ANKRD44: variants seen among roughly 807,000 people sequenced by gnomAD.
ANKRD44 encodes ankyrin repeat domain 44, also known as serine/threonine-protein phosphatase 6 regulatory ankyrin repeat subunit B.
ANKRD44 carries 35 observed loss-of-function variants against 116.0 expected under a neutral mutation model. The ratio of observed to expected loss-of-function variants is 0.30; its 90% CI spans 0.23 to 0.40. The LOEUF (loss-of-function observed/expected upper bound fraction) is 0.40, where lower values mean the gene tolerates loss of function less well. ANKRD44 is among the 10% of genes least tolerant of loss of function. The pLI, the probability that ANKRD44 is intolerant of heterozygous loss-of-function variation, is 1.00. For synonymous variants in ANKRD44, 435 were observed against 461.8 expected, an observed-to-expected ratio of 0.94 and a Z score of 0.74; for missense variants, 1,014 against 1,242.6, an observed-to-expected ratio of 0.82 and a Z score of 2.77.
chr2:197,117,187 C>T (rs62279215), intron 8 of ANKRD44, among the ~76,000 whole-genome samples: 2,215 of 27,014 alleles, frequency 0.082, 29 homozygotes, highest in Non-Finnish European at 0.22. Flanking sequence ...TGCTGCACCA[C>T]CTTTCTTTGC....
rs57530483 is a variant in ANKRD44, at chr2:197,224,427, G to T, written c.28-37321C>A. 1.9e-3 allele frequency among the ~76,000 whole-genome samples: 295 copies of T among 152,256 alleles called. 1 individual carries two copies. The highest frequency in any genetic ancestry group is 6.4e-3 in the African/African-American group (264 of 41,540). Reference sequence around the variant, plus strand: ...ACAGCTTTTCTGAGCTTATCCCAATGGGTAAGCCTGAATAAGGGGTAGAAG... The same window carrying T: ...ACAGCTTTTCTGAGCTTATCCCAATTGGTAAGCCTGAATAAGGGGTAGAAG... On this transcript the variant is annotated intron_variant, in intron 1 of 27. Transcript: ENST00000282272.
intron 1 of ANKRD44, among the ~76,000 whole-genome samples, chr2:197,220,161 T>G (rs2081550923): frequency 6.6e-6 from 1 of 152,228 alleles, no homozygotes; most frequent in Non-Finnish European, 1.5e-5. Flanking sequence ...CATATCCTAA[T>G]CCTTTCTTTG....
At position 197,211,157 on chromosome 2, in the gene ANKRD44, T is replaced by C. The variant is rs2081316044; in HGVS notation, c.28-24051A>G. On this transcript the variant is annotated intron_variant, in intron 1 of 27. Transcript: ENST00000282272. ...TCAATATTCTGGGAGATCACAGGAG[T>C]TGCCCTTTGGGCAGATCCAAGGACA... 1.3e-5 allele frequency among the ~76,000 whole-genome samples: 2 copies of C among 152,048 alleles called. 1 individual carries two copies. Among genetic ancestry groups the C allele is most frequent in the Non-Finnish European group, 2.9e-5 (2 of 67,990 alleles).
At chr2:197,053,738 C>A (rs2077155690) in intron 16 of ANKRD44, among the ~76,000 whole-genome samples, 1 of 152,232 alleles carries the variant, frequency 6.6e-6, no homozygotes, top group African/African-American at 2.4e-5. Flanking sequence ...CCTCCTTGGC[C>A]TCCCAAAGTG....
chr2:197,220,549 A>G (rs944495814), intron 1 of ANKRD44, among the ~76,000 whole-genome samples: 1 of 152,214 alleles, frequency 6.6e-6, no homozygotes, highest in African/African-American at 2.4e-5. Context: ...GCCAGACTCA[A>G]TCACAAATAC....
intron 1 of ANKRD44, among the ~76,000 whole-genome samples, chr2:197,267,041 AGGCATTCAT>A (rs2082759758): frequency 6.6e-6 from 1 of 151,984 alleles, no homozygotes; most frequent in Non-Finnish European, 1.5e-5. Flanking sequence ...TGCCACATCA[AGGCATTCAT>A]TAAATATTAG....
chr2:197,142,782 G>C (rs2079397841), intron 3 of ANKRD44, among the ~76,000 whole-genome samples: 1 of 152,092 alleles, frequency 6.6e-6, no homozygotes, highest in South Asian at 2.1e-4. Context: ...TTTGCATTGA[G>C]AGTAAGAAGC....
intron 1 of ANKRD44, among the ~76,000 whole-genome samples, chr2:197,288,352 G>A (rs774109027): frequency 2.6e-5 from 4 of 152,128 alleles, no homozygotes; most frequent in Non-Finnish European, 5.9e-5. Flanking sequence ...CAGAGAAAAG[G>A]AAACTCTTAT....
chr2:197,030,787 G>C (rs2076690771), intron 16 of ANKRD44, among the ~76,000 whole-genome samples: 1 of 152,060 alleles, frequency 6.6e-6, no homozygotes, highest in East Asian at 1.9e-4. Flanking sequence ...AAGCCTGACT[G>C]ATTCAAAGAG....
intron 4 of ANKRD44, among the ~76,000 whole-genome samples, chr2:197,127,760 A>C (rs1461850926): frequency 6.6e-6 from 1 of 152,126 alleles, no homozygotes; most frequent in Non-Finnish European, 1.5e-5. Flanking sequence ...GCACAGATCA[A>C]CCCATTGCCT....
At chr2:197,304,198 C>T (rs1354149762) in intron 1 of ANKRD44, among the ~76,000 whole-genome samples, 3 of 151,964 alleles carry the variant, frequency 2.0e-5, no homozygotes, top group Non-Finnish European at 2.9e-5. Context: ...CCCAGCTACC[C>T]GGGAGTCTGA....
chr2:197,173,225 G>C (rs1007628738), intron 2 of ANKRD44, among the ~76,000 whole-genome samples: 3 of 152,118 alleles, frequency 2.0e-5, no homozygotes, highest in African/African-American at 7.2e-5. Flanking sequence ...GTTTCACACT[G>C]AGCCCTAGAC....
At chr2:197,222,823 T>TA (rs68126521) in intron 1 of ANKRD44, among the ~76,000 whole-genome samples, 15,920 of 151,528 alleles carry the variant, frequency 0.11, 910 homozygotes, top group Non-Finnish European at 0.13. Context: ...TTTATTTATT[T>TA]TTTTTTTGAG....
chr2:197,124,876 C>T (rs561981244), intron 6 of ANKRD44, among the ~76,000 whole-genome samples: 113 of 152,328 alleles, frequency 7.4e-4, no homozygotes, highest in African/African-American at 2.6e-3. Context: ...GGGCTGCAGG[C>T]TTCAGTTTTG....
intron 16 of ANKRD44, among the ~76,000 whole-genome samples, chr2:197,049,759 A>G (rs1211761816): frequency 2.0e-5 from 3 of 152,106 alleles, no homozygotes; most frequent in Admixed American, 6.5e-5. Context: ...TAGGATTTAC[A>G]GGCATGAATC....
At chr2:196,980,452 GCTTT>G (rs771921394) in intron 21 of ANKRD44, among the ~76,000 whole-genome samples, 5 of 152,148 alleles carry the variant, frequency 3.3e-5, no homozygotes, top group African/African-American at 4.8e-5. Context: ...AAACCCGTTA[GCTTT>G]CTATTTATTT....
At chr2:196,967,338 C>T (rs927885176) in exon 22 of ANKRD44, 2 of 450,994 alleles carry the variant, frequency 4.4e-6, no homozygotes, top group Admixed American at 2.4e-5. Context: ...CAGAGTGTAA[C>T]CCTTTGCGTT....
intron 21 of ANKRD44, among the ~76,000 whole-genome samples, chr2:196,970,637 C>A (rs1248695739): frequency 6.6e-6 from 1 of 151,962 alleles, no homozygotes; most frequent in African/African-American, 2.4e-5. Context: ...TTAAAAAAAT[C>A]TTTATTGCAA....
intron 21 of ANKRD44, among the ~76,000 whole-genome samples, chr2:196,974,604 AG>A (rs1215960444): frequency 1.3e-5 from 2 of 152,032 alleles, no homozygotes; most frequent in Admixed American, 6.6e-5. Flanking sequence ...AAAATAAAAA[AG>A]GAGGACAGGT....
Sources: allele counts gnomAD v4.1 joint callset (sites outside exome capture counted in the v4.1 genomes callset), GRCh38; gene constraint gnomAD v4.1.1; transcripts MANE v1.5; gene names NCBI Gene and HGNC (gene_info 2026-07-23, HGNC 2026-07-21).